Variants in SRBD1 observed in about 807,000 individuals in gnomAD.
SRBD1 encodes the protein S1 RNA binding domain 1.
Under a neutral mutation model 115.3 loss-of-function variants are expected in SRBD1, and 88 were observed. That is an observed-to-expected ratio of 0.76 (90% CI 0.64 to 0.91). SRBD1 has a LOEUF of 0.91. SRBD1 is among the 40% of genes least tolerant of loss of function. The probability of loss-of-function intolerance (pLI) is 0.00; values close to 1 mark genes in which losing one functional copy is unlikely to be tolerated. For missense variants in SRBD1, 1,385 were observed against 1,177.4 expected, an observed-to-expected ratio of 1.18 and a Z score of -2.58; for synonymous variants, 509 against 407.7, an observed-to-expected ratio of 1.25 and a Z score of -2.99.
chr2:45,467,501 A>G (rs1669525800), intron 16 of SRBD1, among the ~76,000 whole-genome samples: 1 of 152,208 alleles, frequency 6.6e-6, no homozygotes, highest in Admixed American at 6.5e-5. Flanking sequence ...TGCCCTGTAT[A>G]TAAGCACTAG....
chr2:45,551,675 T>C (rs988629948), intron 11 of SRBD1, among the ~76,000 whole-genome samples: 2 of 152,196 alleles, frequency 1.3e-5, no homozygotes, highest in South Asian at 4.1e-4. Flanking sequence ...AAACAGCATA[T>C]GTAAAGGCTC....
chr2:45,493,233 T>C (rs1055426264), intron 14 of SRBD1, among the ~76,000 whole-genome samples: 1 of 152,232 alleles, frequency 6.6e-6, no homozygotes, highest in Non-Finnish European at 1.5e-5. Context: ...ACTAGGTTTC[T>C]CAACGAGTAA....
chr2:45,589,925 C>T (rs1673665315), intron 4 of SRBD1, among the ~76,000 whole-genome samples: 1 of 152,162 alleles, frequency 6.6e-6, no homozygotes, highest in Admixed American at 6.5e-5. Context: ...CAGTATGGTT[C>T]ATACTCTGAC....
intron 19 of SRBD1, among the ~76,000 whole-genome samples, chr2:45,395,354 G>C (rs572610193): frequency 4.3e-4 from 66 of 152,296 alleles, no homozygotes; most frequent in African/African-American, 1.5e-3. Context: ...AAGGTTGCTT[G>C]CACATGTGTA....
intron 14 of SRBD1, among the ~76,000 whole-genome samples, chr2:45,511,447 G>A (rs1010886758): frequency 6.6e-6 from 1 of 152,162 alleles, no homozygotes; most frequent in Non-Finnish European, 1.5e-5. Flanking sequence ...AAAGAGCTAT[G>A]AGTGTTCATG....
chr2:45,483,260 T>C (rs527409062), intron 15 of SRBD1, among the ~76,000 whole-genome samples: 36 of 152,116 alleles, frequency 2.4e-4, no homozygotes, highest in African/African-American at 7.9e-4. Flanking sequence ...GGTCAATGTA[T>C]AGAGGAAGAC....
At chr2:45,425,433 A>T (rs1668123289) in intron 16 of SRBD1, among the ~76,000 whole-genome samples, 1 of 152,160 alleles carries the variant, frequency 6.6e-6, no homozygotes, top group Non-Finnish European at 1.5e-5. Context: ...CTAAATATCC[A>T]CATAGAGGTG....
chr2:45,503,398 CCTA>C (rs1432987762), intron 14 of SRBD1, among the ~76,000 whole-genome samples: 1 of 152,112 alleles, frequency 6.6e-6, no homozygotes, highest in Non-Finnish European at 1.5e-5. Flanking sequence ...CTTTTGACAT[CCTA>C]CTTATGAAAA....
intron 10 of SRBD1, among the ~76,000 whole-genome samples, chr2:45,562,130 C>T (rs182374584): frequency 8.4e-4 from 128 of 152,210 alleles, no homozygotes; most frequent in Middle Eastern, 3.4e-3. Context: ...CCTGGATATT[C>T]TCTGTTTAAA....
chr2:45,605,310 T>G, intron 2 of SRBD1, 52 bp downstream of exon 2: 1 of 1,552,436 alleles, frequency 6.4e-7, no homozygotes, highest in East Asian at 2.2e-5. Flanking sequence ...GCATTACTCC[T>G]TATTAAAATA....
chr2:45,576,015 T>C (rs1229978424), intron 7 of SRBD1, among the ~76,000 whole-genome samples: 4 of 152,148 alleles, frequency 2.6e-5, no homozygotes, highest in African/African-American at 4.8e-5. Context: ...CACTTCTACA[T>C]GGATTAATTA....
chr2:45,389,362 T>G lies in SRBD1; in HGVS notation c.2936A>C (p.Asn979Thr), dbSNP rs754452121. 1 of 1,614,076 alleles carries G rather than the reference T, an allele frequency of 6.2e-7. No individual in the cohort carries two copies. Among genetic ancestry groups the G allele is most frequent in the Non-Finnish European group, 8.5e-7 (1 of 1,179,952 alleles). The change falls in exon 21 of 21, where the codon AAC (asparagine) becomes ACC (threonine). Residue 979 changes from asparagine (N) to threonine (T), a missense_variant. Transcript: ENST00000263736. The part of the protein sequence containing the change: ...PGERVEVQVL[N>T]IDIPRSRITL... Reference sequence around the variant, plus strand: ...AATCCTAGATCGGGGGATGTCAATGTTGAGTACTTGGACTTCCACTCTTTC... The same window carrying G: ...AATCCTAGATCGGGGGATGTCAATGGTGAGTACTTGGACTTCCACTCTTTC...
chr2:45,609,204 T>C (rs1172413030), intron 1 of SRBD1, among the ~76,000 whole-genome samples: 1 of 152,244 alleles, frequency 6.6e-6, no homozygotes, highest in Non-Finnish European at 1.5e-5. Flanking sequence ...TATGTATACA[T>C]ATCACTACAA....
chr2:45,590,350 C>T (rs1487745063), intron 4 of SRBD1, among the ~76,000 whole-genome samples: 5 of 152,176 alleles, frequency 3.3e-5, no homozygotes, highest in African/African-American at 1.2e-4. Context: ...AAATCCCCTT[C>T]CTGCCTGGGG....
intron 16 of SRBD1, among the ~76,000 whole-genome samples, chr2:45,462,555 C>G (rs1460344704): frequency 6.6e-6 from 1 of 151,656 alleles, no homozygotes; most frequent in African/African-American, 2.4e-5. Flanking sequence ...GTGCCCTGCT[C>G]TAGATTATTA....
intron 14 of SRBD1, among the ~76,000 whole-genome samples, chr2:45,542,927 T>C (rs187002011): frequency 6.6e-6 from 1 of 152,276 alleles, no homozygotes. Context: ...TCATGCTCCA[T>C]GAAAGAAGCC....
chr2:45,539,638 A>C (rs1327467081), intron 14 of SRBD1, among the ~76,000 whole-genome samples: 2 of 152,188 alleles, frequency 1.3e-5, no homozygotes, highest in African/African-American at 4.8e-5. Flanking sequence ...GCCTAAATTC[A>C]CACTACCTGG....
chr2:45,587,113 AT>A (rs1673567169), intron 4 of SRBD1, among the ~76,000 whole-genome samples: 1 of 127,406 alleles, frequency 7.8e-6, no homozygotes, highest in African/African-American at 3.5e-5. Context: ...TTATTTTAAA[AT>A]ATAATTATTA....
chr2:45,486,869 C>T (rs1670138400), intron 15 of SRBD1, among the ~76,000 whole-genome samples: 1 of 151,822 alleles, frequency 6.6e-6, no homozygotes, highest in African/African-American at 2.4e-5. Flanking sequence ...TTCACATATA[C>T]TAAGTGCTTA....
Sources: allele counts gnomAD v4.1 joint callset (sites outside exome capture counted in the v4.1 genomes callset), GRCh38; gene constraint gnomAD v4.1.1; transcripts MANE v1.5; gene names NCBI Gene and HGNC (gene_info 2026-07-23, HGNC 2026-07-21).